Variants in ZFYVE9 observed in about 807,000 individuals in gnomAD.
The protein encoded by ZFYVE9 is zinc finger FYVE-type containing 9, also known as zinc finger FYVE domain-containing protein 9.
ZFYVE9 carries 43 observed loss-of-function variants against 126.7 expected under a neutral mutation model. The observed-to-expected ratio is 0.34, with a 90% CI of 0.27 to 0.44. The LOEUF is 0.44. Ranked by LOEUF, ZFYVE9 falls within the 20% of genes least tolerant of loss-of-function variation. The pLI, the probability that ZFYVE9 is intolerant of heterozygous loss-of-function variation, is 1.00. For synonymous variants in ZFYVE9, 521 were observed against 597.4 expected (o/e 0.87, Z 1.87); for missense variants, 1,476 against 1,697.0 (o/e 0.87, Z 2.29).
intron 1 of ZFYVE9, among the ~76,000 whole-genome samples, chr1:52,195,906 C>A (rs1174196058): frequency 6.6e-6 from 1 of 152,022 alleles, no homozygotes; most frequent in African/African-American, 2.4e-5. Context: ...AATTCTCCTG[C>A]CTCAGCCTCC....
In ZFYVE9 at chr1:52,142,802, T is replaced by C. The variant is rs1644272470; in HGVS notation, c.-143+399T>C. Among the ~76,000 whole-genome samples, 1 of 152,130 alleles carries C rather than the reference T, an allele frequency of 6.6e-6. No homozygotes were observed. The highest frequency in any genetic ancestry group is 2.4e-5 in the African/African-American group (1 of 41,442). ...CAAGCTTTGGCTTCCACGCGTCCCA[T>C]ACCGAGTCCCTCAGAATCCCGGTTG... On this transcript the variant is annotated intron_variant, in intron 1 of 18. Transcript: ENST00000287727. This position sits in a 1 kb window ranked among gnomAD's most constrained non-coding sequence, Gnocchi z 4.5.
chr1:52,298,397 G>T (rs548700744), intron 12 of ZFYVE9, among the ~76,000 whole-genome samples: 1 of 152,232 alleles, frequency 6.6e-6, no homozygotes, highest in Admixed American at 6.5e-5. Flanking sequence ...ACTATTTATT[G>T]AAGAGAGTCC....
In ZFYVE9 at chr1:52,186,992, AAAAG is replaced by A. The variant is rs1161596245; in HGVS notation, c.-142-29375_-142-29372del. Among the ~76,000 whole-genome samples, 22 of 152,210 alleles carry A rather than the reference AAAAG, an allele frequency of 1.4e-4. 1 individual carries two copies. Among genetic ancestry groups the A allele is most frequent in the African/African-American group, 5.3e-4 (22 of 41,452 alleles). Reference sequence around the variant, plus strand: ...TATTTTAAAATTCATATGGAACCAAAAAAGAGCCCCAAAGCCAAGGGCATCCTCA... The same window carrying A: ...TATTTTAAAATTCATATGGAACCAAAAGCCCCAAAGCCAAGGGCATCCTCA... On this transcript the variant is annotated intron_variant, in intron 1 of 18. Coordinates refer to ENST00000287727, the MANE Select transcript of ZFYVE9 (RefSeq NM_004799.4).
intron 13 of ZFYVE9, among the ~76,000 whole-genome samples, chr1:52,308,904 T>TA (rs1324314810): frequency 1.3e-5 from 2 of 152,210 alleles, no homozygotes; most frequent in East Asian, 3.8e-4. Context: ...CGGAGTGGGT[T>TA]AGCAAGAAAT....
chr1:52,271,244 C>T (rs1310804910), intron 7 of ZFYVE9, among the ~76,000 whole-genome samples: 2 of 152,188 alleles, frequency 1.3e-5, no homozygotes, highest in African/African-American at 2.4e-5. Flanking sequence ...CATTATAAGA[C>T]AGGCTAAGCC....
intron 1 of ZFYVE9, among the ~76,000 whole-genome samples, chr1:52,178,436 A>C (rs1644662255): frequency 1.3e-5 from 2 of 149,950 alleles, no homozygotes; most frequent in African/African-American, 4.9e-5. Context: ...GATTCAAGTG[A>C]TTCTCTTGCC....
At chr1:52,222,969 A>G (rs2124606483) in intron 2 of ZFYVE9, among the ~76,000 whole-genome samples, 1 of 152,270 alleles carries the variant, frequency 6.6e-6, no homozygotes. Context: ...TTTGCCCTGA[A>G]TCCTTCCCCT....
chr1:52,178,956 C>T (rs941505828), intron 1 of ZFYVE9, among the ~76,000 whole-genome samples: 2 of 152,110 alleles, frequency 1.3e-5, no homozygotes, highest in Admixed American at 1.3e-4. Context: ...AGGCATGTGC[C>T]ACCATGCCTG....
At chr1:52,287,715 A>T (rs1275058818) in intron 10 of ZFYVE9, among the ~76,000 whole-genome samples, 1 of 150,544 alleles carries the variant, frequency 6.6e-6, no homozygotes, top group Non-Finnish European at 1.5e-5. Flanking sequence ...AAAAAAAAAA[A>T]TTAACTAGGC....
intron 1 of ZFYVE9, among the ~76,000 whole-genome samples, chr1:52,182,841 G>A (rs1464765548): frequency 1.3e-5 from 2 of 151,468 alleles, no homozygotes; most frequent in East Asian, 1.9e-4. Context: ...ACCAGCTATT[G>A]GTATGGCACA....
intron 13 of ZFYVE9, among the ~76,000 whole-genome samples, chr1:52,330,258 C>T (rs148884546): frequency 0.012 from 1,848 of 152,234 alleles, 30 homozygotes; most frequent in African/African-American, 0.042. Context: ...TGCCAGTAAT[C>T]TCAGCTACTC....
At chr1:52,153,346 C>T (rs1644374153) in intron 1 of ZFYVE9, among the ~76,000 whole-genome samples, 1 of 152,206 alleles carries the variant, frequency 6.6e-6, no homozygotes, top group South Asian at 2.1e-4. Context: ...TAGCTGGTCT[C>T]AGAGCCACAA....
chr1:52,314,382 G>T (rs554205570), intron 13 of ZFYVE9, among the ~76,000 whole-genome samples: 1 of 152,234 alleles, frequency 6.6e-6, no homozygotes, highest in South Asian at 2.1e-4. Context: ...GTAAAAATAC[G>T]TTTTAAAAAT....
chr1:52,199,482 G>A (rs561930286), intron 1 of ZFYVE9, among the ~76,000 whole-genome samples: 2 of 152,266 alleles, frequency 1.3e-5, no homozygotes, highest in African/African-American at 4.8e-5. Flanking sequence ...GTGCCTTTAA[G>A]GTTCTTCCAT....
intron 1 of ZFYVE9, among the ~76,000 whole-genome samples, chr1:52,206,541 G>GTTGTT (rs1414628337): frequency 4.6e-5 from 7 of 151,970 alleles, no homozygotes; most frequent in Non-Finnish European, 1.0e-4. Context: ...TGTTGTTGTT[G>GTTGTT]TTGTTTTGTT....
At chr1:52,206,886 A>G (rs554511949) in intron 1 of ZFYVE9, among the ~76,000 whole-genome samples, 4 of 152,338 alleles carry the variant, frequency 2.6e-5, no homozygotes, top group East Asian at 3.9e-4. Context: ...ACAGTAAATC[A>G]TGAGATATGT....
chr1:52,314,373 T>C (rs150777181), intron 13 of ZFYVE9, among the ~76,000 whole-genome samples: 1 of 152,270 alleles, frequency 6.6e-6, no homozygotes, highest in East Asian at 1.9e-4. Flanking sequence ...TTATACCCAG[T>C]AAAAATACGT....
chr1:52,318,831 C>T (rs950780664), intron 13 of ZFYVE9, among the ~76,000 whole-genome samples: 2 of 152,136 alleles, frequency 1.3e-5, no homozygotes. Flanking sequence ...GGTGTGGTGG[C>T]TCACACCTGT....
intron 2 of ZFYVE9, among the ~76,000 whole-genome samples, chr1:52,221,970 C>G (rs1246755452): frequency 6.6e-6 from 1 of 152,106 alleles, no homozygotes; most frequent in Admixed American, 6.6e-5. Flanking sequence ...TTCCTAAGTT[C>G]CTGCTTTGTT....
Sources: allele counts gnomAD v4.1 joint callset (sites outside exome capture counted in the v4.1 genomes callset), GRCh38; gene constraint gnomAD v4.1.1; non-coding constraint Gnocchi (gnomAD v3.1); transcripts MANE v1.5; gene names NCBI Gene and HGNC (gene_info 2026-07-23, HGNC 2026-07-21).